Variants in CKMT2 observed in about 807,000 individuals in gnomAD.
CKMT2 encodes creatine kinase S-type, mitochondrial.
Under a neutral mutation model 48.9 loss-of-function variants are expected in CKMT2, and 43 were observed. The observed-to-expected ratio is 0.88, with a 90% confidence interval of 0.69 to 1.13. The LOEUF is 1.13. CKMT2 is among the 50% of genes most tolerant of loss of function. CKMT2 has a pLI of 0.00. For synonymous variants in CKMT2, 206 were observed against 213.0 expected (o/e 0.97, Z 0.29); for missense variants, 472 against 555.4 (o/e 0.85, Z 1.51).
chr5:81,238,162 G>T (rs1004671562), intron 1 of CKMT2: 1 of 152,022 alleles, frequency 6.6e-6, no homozygotes, highest in Non-Finnish European at 1.5e-5. Flanking sequence ...GTGAAACCCC[G>T]TCTCTATTAA....
intron 5 of CKMT2, among the ~76,000 whole-genome samples, chr5:81,256,496 A>G (rs1024094577): frequency 1.3e-5 from 2 of 152,242 alleles, no homozygotes; most frequent in South Asian, 2.1e-4. Flanking sequence ...TAATGAAGCA[A>G]TAATGCTAGA....
intron 7 of CKMT2, among the ~76,000 whole-genome samples, chr5:81,258,217 T>G (rs1191016518): frequency 6.7e-6 from 1 of 150,324 alleles, no homozygotes; most frequent in Non-Finnish European, 1.5e-5. Flanking sequence ...ATTTTTTGGA[T>G]GAGCCACCAC....
intron 8 of CKMT2, 22 bp downstream of exon 8, chr5:81,259,276 C>G (rs748440674): frequency 6.2e-7 from 1 of 1,607,080 alleles, no homozygotes; most frequent in Non-Finnish European, 8.5e-7. Context: ...TGCCCAGTGG[C>G]CCTGATGGGC....
chr5:81,259,222 G>A lies in CKMT2; in HGVS notation c.982G>A (p.Gly328Ser), dbSNP rs1192639548. The A allele has an allele frequency of 6.2e-7, 1 of 1,613,982 alleles. No individual in the cohort carries two copies. Among genetic ancestry groups the A allele is most frequent in the Admixed American group, 1.7e-5 (1 of 60,012 alleles). ...GAACCTTGGAACAGGACTACGAGCT[G>A]GTGTCCACGTTAGGATCCCAAAGCT... ...PSNLGTGLRAGVHVRIPKLSK... is the reference protein window; with the variant it reads ...PSNLGTGLRASVHVRIPKLSK... Residue 328 changes from glycine (G) to serine (S), a missense_variant, in exon 8 of 10, where the codon GGT (glycine) becomes AGT (serine). Physicochemically the swap from Gly to Ser is moderately conservative, Grantham distance 56 (BLOSUM62 0). Coordinates refer to ENST00000254035, the MANE Select transcript of CKMT2 (RefSeq NM_001099735.2).
intron 1 of CKMT2, among the ~76,000 whole-genome samples, chr5:81,248,186 C>A (rs116112262): frequency 1.8e-3 from 279 of 152,290 alleles, no homozygotes; most frequent in African/African-American, 6.4e-3. Flanking sequence ...GACTTGGGCA[C>A]ATATCAGTGC....
rs1258277391 is a variant in CKMT2, at chr5:81,254,872, A to AC, written c.448-121_448-120insC. 11 of 781,108 alleles carry AC rather than the reference A, an allele frequency of 1.4e-5. No individual in the cohort carries two copies. The East Asian group carries it at 2.6e-4, about 18-fold the overall frequency. 48.4% of individuals were successfully genotyped at this position (781,108 alleles called of 1,614,324 possible). A position where few individuals can be genotyped will look rare whatever the true frequency, so the allele number is the denominator to read the frequency against. ...AATGTGTCCAATTTACGGATTGTGCAGTCGTGCACAGTGCCTGAGGGTCCC... is the reference window on the plus strand; with the variant it reads ...AATGTGTCCAATTTACGGATTGTGCACGTCGTGCACAGTGCCTGAGGGTCCC... On this transcript the variant is annotated intron_variant, in intron 4 of 9. Coordinates refer to ENST00000254035, the MANE Select transcript of CKMT2 (RefSeq NM_001099735.2).
At chr5:81,245,068 C>T (rs1756563656) in intron 1 of CKMT2, 1 of 152,070 alleles carries the variant, frequency 6.6e-6, no homozygotes, top group Non-Finnish European at 1.5e-5. Flanking sequence ...GGCTAGGAAT[C>T]CTGGCTTTAG....
In CKMT2 at chr5:81,266,124, T is replaced by C. The variant is rs34054011; in HGVS notation, c.1141-15T>C. ...TTCTATTCAAATTAATCATTCATCT[T>C]CTTCACTGTCAAAGGTTGAGCTTGT... On this transcript the variant is annotated splice_polypyrimidine_tract_variant and intron_variant, in intron 9 of 9. Coordinates refer to ENST00000254035, the MANE Select transcript of CKMT2 (RefSeq NM_001099735.2). 0.034 allele frequency: 54,328 copies of C among 1,609,914 alleles called. 1,213 individuals are homozygous for C. Among genetic ancestry groups the C allele is most frequent in the Non-Finnish European group, 0.039 (45,377 of 1,176,676 alleles).
At chr5:81,246,097 C>CT (rs1561279155) in intron 1 of CKMT2, among the ~76,000 whole-genome samples, 2 of 151,980 alleles carry the variant, frequency 1.3e-5, no homozygotes, top group Admixed American at 6.6e-5. Flanking sequence ...ACTGCTCTCT[C>CT]TGCTTGCATT....
intron 9 of CKMT2, 29 bp from the exon 10 acceptor site, chr5:81,266,110 T>TTAATCATTCATCTTCTTCA: frequency 1.2e-6 from 2 of 1,607,592 alleles, no homozygotes; most frequent in Non-Finnish European, 8.5e-7. Context: ...TCTATTCAAA[T>TTAATCATTCATCTTCTTCA]TAATCATTCA....
intron 8 of CKMT2, among the ~76,000 whole-genome samples, chr5:81,261,959 A>C (rs565401182): frequency 1.3e-5 from 2 of 152,352 alleles, no homozygotes; most frequent in East Asian, 3.9e-4. Flanking sequence ...AGGCTACAGT[A>C]ACTAAAACAG....
At chr5:81,260,715 A>T (rs950278634) in intron 8 of CKMT2, among the ~76,000 whole-genome samples, 1 of 152,232 alleles carries the variant, frequency 6.6e-6, no homozygotes, top group Non-Finnish European at 1.5e-5. Flanking sequence ...AAATTAAGGC[A>T]GTAATTAATA....
intron 1 of CKMT2, among the ~76,000 whole-genome samples, chr5:81,249,249 G>T (rs190889151): frequency 2.0e-5 from 3 of 152,138 alleles, no homozygotes; most frequent in Non-Finnish European, 4.4e-5. Context: ...AGTAGAGACA[G>T]GGTTTTGCTG....
intron 8 of CKMT2, among the ~76,000 whole-genome samples, chr5:81,262,627 G>A (rs544429133): frequency 4.5e-4 from 69 of 152,164 alleles, no homozygotes; most frequent in African/African-American, 1.3e-3. Flanking sequence ...AAACCACACC[G>A]AGATACCATC....
In CKMT2 at chr5:81,254,393, C is replaced by A; in HGVS notation, c.352-3C>A. On this transcript the variant is annotated splice_polypyrimidine_tract_variant and splice_region_variant and intron_variant, in intron 3 of 9. Transcript: ENST00000254035. ...GAGGAAACACCCATCTTCCCTCCTG[C>A]AGGTGTTTGCTGACCTTTTTGACCC... 6.2e-7 allele frequency: 1 copy of A among 1,612,798 alleles called. No homozygotes were observed. The highest frequency in any genetic ancestry group is 8.5e-7 in the Non-Finnish European group (1 of 1,178,744).
In CKMT2 at chr5:81,260,580, T is replaced by TAAAC. The variant is rs1266906929; in HGVS notation, c.1014+1328_1014+1331dup. Among the ~76,000 whole-genome samples the TAAAC allele has an allele frequency of 2.6e-5, 4 of 152,246 alleles. No homozygotes were observed. In the South Asian group the frequency reaches 6.2e-4, roughly 24 times the overall value. ...TACAAACTACCATCAGAGAATACTATAAACACCTCTGTGCAAATATACTAG... is the reference window on the plus strand; with the variant it reads ...TACAAACTACCATCAGAGAATACTATAAACAAACACCTCTGTGCAAATATACTAG... On this transcript the variant is annotated intron_variant, in intron 8 of 9. Transcript: ENST00000254035.
chr5:81,248,899 T>G (rs568630974), intron 1 of CKMT2, among the ~76,000 whole-genome samples: 1 of 152,180 alleles, frequency 6.6e-6, no homozygotes, highest in Non-Finnish European at 1.5e-5. Flanking sequence ...ACGGTTCTAT[T>G]AGGAGTTGAT....
At chr5:81,237,705 A>C (rs1488289106) in intron 1 of CKMT2, 1 of 152,192 alleles carries the variant, frequency 6.6e-6, no homozygotes, top group Non-Finnish European at 1.5e-5. Context: ...TAGCAGTTTG[A>C]TGAATATCCT....
At chr5:81,248,430 T>C (rs1272764590) in intron 1 of CKMT2, among the ~76,000 whole-genome samples, 1 of 152,118 alleles carries the variant, frequency 6.6e-6, no homozygotes, top group Non-Finnish European at 1.5e-5. Context: ...TTTGAGGGTG[T>C]GATGGCAAAT....
Sources: allele counts gnomAD v4.1 joint callset (sites outside exome capture counted in the v4.1 genomes callset), GRCh38; gene constraint gnomAD v4.1.1; transcripts MANE v1.5; gene names NCBI Gene and HGNC (gene_info 2026-07-23, HGNC 2026-07-21).